The following SGCZ variants were observed in gnomAD, a reference collection of about 807,000 sequenced individuals.
SGCZ encodes sarcoglycan zeta, also known as zeta-sarcoglycan.
In SGCZ, 40 loss-of-function variants were observed where a neutral mutation model predicts 41.3. The ratio of observed to expected loss-of-function variants is 0.97; its 90% CI spans 0.75 to 1.26. The LOEUF is 1.26. Ranked by LOEUF, SGCZ falls within the 50% of genes most tolerant of loss-of-function variation. The probability of loss-of-function intolerance (pLI) is 0.00; values close to 1 mark genes in which losing one functional copy is unlikely to be tolerated. For synonymous variants in SGCZ, 206 were observed against 137.5 expected (o/e 1.50, Z -3.49); for missense variants, 552 against 369.8 (o/e 1.49, Z -4.04).
chr8:14,780,703 T>G (rs538153703), intron 1 of SGCZ, among the ~76,000 whole-genome samples: 1 of 152,318 alleles, frequency 6.6e-6, no homozygotes, highest in Non-Finnish European at 1.5e-5. Flanking sequence ...AATTTGAATA[T>G]AGAACAACAG....
chr8:15,189,986 C>T (rs868546555), intron 1 of SGCZ, among the ~76,000 whole-genome samples: 26 of 152,228 alleles, frequency 1.7e-4, no homozygotes, highest in African/African-American at 5.8e-4. Flanking sequence ...CCCATAATAA[C>T]CTAGCTTCAA....
intron 1 of SGCZ, among the ~76,000 whole-genome samples, chr8:14,861,405 A>C (rs560298550): frequency 6.6e-6 from 1 of 152,280 alleles, no homozygotes; most frequent in East Asian, 1.9e-4. Context: ...CACAGCGGTA[A>C]GAATGCTCTT....
At chr8:14,619,159 C>A (rs1806202251) in intron 1 of SGCZ, among the ~76,000 whole-genome samples, 1 of 152,106 alleles carries the variant, frequency 6.6e-6, no homozygotes, top group Non-Finnish European at 1.5e-5. Flanking sequence ...TAAACGTAAT[C>A]CAGCATATAA....
intron 1 of SGCZ, among the ~76,000 whole-genome samples, chr8:14,852,002 T>G (rs1259129219): frequency 6.6e-6 from 1 of 152,220 alleles, no homozygotes; most frequent in African/African-American, 2.4e-5. Flanking sequence ...TTTTTTCCTT[T>G]CTAGGAAACA....
intron 7 of SGCZ, among the ~76,000 whole-genome samples, chr8:14,095,889 A>G (rs1358528389): frequency 6.6e-6 from 1 of 151,918 alleles, no homozygotes. Context: ...TTGACTCATG[A>G]TTTGACTCCC....
chr8:14,551,498 T>TATATATAA (rs1563404310), intron 2 of SGCZ, among the ~76,000 whole-genome samples: 126 of 9,972 alleles, frequency 0.013, 10 homozygotes, highest in Non-Finnish European at 0.016. Context: ...ATTATATATA[T>TATATATAA]TATATATATT....
intron 1 of SGCZ, among the ~76,000 whole-genome samples, chr8:14,622,551 A>T (rs1288116226): frequency 6.6e-6 from 1 of 152,032 alleles, no homozygotes; most frequent in East Asian, 1.9e-4. Flanking sequence ...GTTGCTGTTT[A>T]TGATTTTTCA....
chr8:14,342,344 T>G (rs908449818), intron 2 of SGCZ, among the ~76,000 whole-genome samples: 6 of 152,116 alleles, frequency 3.9e-5, no homozygotes, highest in African/African-American at 1.4e-4. Flanking sequence ...TGAGGTGCAG[T>G]CTCACTCTGT....
intron 1 of SGCZ, among the ~76,000 whole-genome samples, chr8:14,886,326 A>G (rs903507866): frequency 6.6e-6 from 1 of 152,034 alleles, no homozygotes; most frequent in Non-Finnish European, 1.5e-5. Context: ...CATATATCCT[A>G]GTTATAAAAA....
chr8:15,117,665 A>G (rs1190419779), intron 1 of SGCZ, among the ~76,000 whole-genome samples: 2 of 152,208 alleles, frequency 1.3e-5, no homozygotes, highest in Non-Finnish European at 2.9e-5. Flanking sequence ...AGCAACTTAT[A>G]TGCTACCAAA....
intron 1 of SGCZ, among the ~76,000 whole-genome samples, chr8:14,670,874 A>C (rs1281957354): frequency 2.0e-5 from 3 of 152,222 alleles, no homozygotes; most frequent in Non-Finnish European, 4.4e-5. Flanking sequence ...AACTCAAGCT[A>C]TCTGGCTGCA....
chr8:14,677,623 A>G (rs1808317373), intron 1 of SGCZ, among the ~76,000 whole-genome samples: 2 of 151,994 alleles, frequency 1.3e-5, no homozygotes, highest in Non-Finnish European at 2.9e-5. Flanking sequence ...ATACAAAAAT[A>G]AGCCAGGAGG....
intron 2 of SGCZ, among the ~76,000 whole-genome samples, chr8:14,456,870 A>G (rs1346706012): frequency 6.6e-6 from 1 of 152,058 alleles, no homozygotes; most frequent in Non-Finnish European, 1.5e-5. Context: ...CTGGTGGTTT[A>G]AAAGTGCGTG....
chr8:14,888,611 C>A lies in SGCZ; in HGVS notation c.40-333685G>T, dbSNP rs61647629. Among the ~76,000 whole-genome samples the A allele has an allele frequency of 7.2e-5, 11 of 152,002 alleles. 1 individual carries two copies. In the South Asian group the frequency reaches 2.3e-3, roughly 32 times the overall value. On this transcript the variant is annotated intron_variant, in intron 1 of 7. Coordinates refer to ENST00000382080, the MANE Select transcript of SGCZ (RefSeq NM_139167.4). ...AAGAAAAATCCTTAGAAATCATTAACGTAAGATCCAAAGAAAATATTGACT... is the reference window on the plus strand; with the variant it reads ...AAGAAAAATCCTTAGAAATCATTAAAGTAAGATCCAAAGAAAATATTGACT...
intron 4 of SGCZ, among the ~76,000 whole-genome samples, chr8:14,189,679 A>C (rs1019031679): frequency 6.6e-6 from 1 of 152,132 alleles, no homozygotes; most frequent in African/African-American, 2.4e-5. Flanking sequence ...TGTCCTTTAC[A>C]TTGTTGGTGG....
At chr8:14,636,624 G>C (rs1049212845) in intron 1 of SGCZ, among the ~76,000 whole-genome samples, 4 of 151,798 alleles carry the variant, frequency 2.6e-5, no homozygotes, top group African/African-American at 7.2e-5. Flanking sequence ...AGGTGTCATT[G>C]AGACAACCAA....
At chr8:15,098,277 C>T (rs1200224228) in intron 1 of SGCZ, among the ~76,000 whole-genome samples, 1 of 152,148 alleles carries the variant, frequency 6.6e-6, no homozygotes, top group Non-Finnish European at 1.5e-5. Flanking sequence ...TTTAAAGCTA[C>T]AATGTGCATA....
intron 1 of SGCZ, among the ~76,000 whole-genome samples, chr8:14,641,111 A>C (rs1807011636): frequency 6.6e-6 from 1 of 151,514 alleles, no homozygotes. Context: ...AAAAGATTAG[A>C]GGGGGTAGGG....
At chr8:14,936,005 A>G (rs186933330) in intron 1 of SGCZ, among the ~76,000 whole-genome samples, 24 of 152,034 alleles carry the variant, frequency 1.6e-4, no homozygotes, top group African/African-American at 5.5e-4. Flanking sequence ...ATGCGATTAA[A>G]TGATCGATTC....
Sources: gnomAD v4.1 joint callset for allele counts (sites outside exome capture counted in the v4.1 genomes callset) on GRCh38, gnomAD v4.1.1 for gene constraint, MANE v1.5 for transcripts, NCBI Gene and HGNC (gene_info 2026-07-23, HGNC 2026-07-21) for gene names.